The following ALK variants were observed in gnomAD, a reference collection of about 807,000 sequenced individuals.
ALK encodes ALK tyrosine kinase receptor.
In ALK, 74 loss-of-function variants were observed where a neutral mutation model predicts 163.1. That is an observed-to-expected ratio of 0.45 (90% CI 0.38 to 0.55). The LOEUF (loss-of-function observed/expected upper bound fraction) is 0.55. ALK is among the 20% of genes least tolerant of loss of function. The pLI is 0.00. For synonymous variants in ALK, 960 were observed against 843.2 expected, an observed-to-expected ratio of 1.14 and a Z score of -2.40; for missense variants, 2,063 against 2,105.3, an observed-to-expected ratio of 0.98 and a Z score of 0.39.
At chr2:29,806,056 T>G (rs1664604899) in intron 1 of ALK, among the ~76,000 whole-genome samples, 1 of 152,166 alleles carries the variant, frequency 6.6e-6, no homozygotes, top group Non-Finnish European at 1.5e-5. Flanking sequence ...CTTCAGTAGG[T>G]AAGTAATTTC....
intron 5 of ALK, among the ~76,000 whole-genome samples, chr2:29,371,206 A>G (rs1439524773): frequency 6.6e-6 from 1 of 152,260 alleles, no homozygotes; most frequent in East Asian, 1.9e-4. Flanking sequence ...CTCAACCAGA[A>G]GGGCAAAATA....
chr2:29,828,398 G>T (rs1473339709), intron 1 of ALK, among the ~76,000 whole-genome samples: 2 of 151,924 alleles, frequency 1.3e-5, no homozygotes, highest in African/African-American at 4.8e-5. Flanking sequence ...GAATGGGAGA[G>T]AATTTTTGCA....
intron 1 of ALK, among the ~76,000 whole-genome samples, chr2:29,903,844 G>A (rs182447208): frequency 9.9e-5 from 15 of 151,954 alleles, no homozygotes; most frequent in East Asian, 1.9e-4. Flanking sequence ...AAATTCTAAC[G>A]GACCCTGCAA....
At chr2:29,500,006 C>T (rs550356752) in intron 4 of ALK, among the ~76,000 whole-genome samples, 24 of 152,252 alleles carry the variant, frequency 1.6e-4, no homozygotes, top group East Asian at 1.2e-3. Context: ...ACTTGGGTCT[C>T]GCTGTTCCTT....
At chr2:29,365,867 T>A (rs1190407267) in intron 5 of ALK, among the ~76,000 whole-genome samples, 1 of 152,178 alleles carries the variant, frequency 6.6e-6, no homozygotes, top group African/African-American at 2.4e-5. Flanking sequence ...AGTCTGGGGA[T>A]GTGGCACTAC....
chr2:29,770,944 C>T (rs768064507), intron 1 of ALK, among the ~76,000 whole-genome samples: 1 of 151,902 alleles, frequency 6.6e-6, no homozygotes, highest in Non-Finnish European at 1.5e-5. Flanking sequence ...CACATAGACA[C>T]ACAGAAACAC....
intron 5 of ALK, 72 bp downstream of exon 5, chr2:29,383,660 C>T: frequency 1.2e-6 from 2 of 1,604,234 alleles, no homozygotes; most frequent in Non-Finnish European, 1.7e-6. Context: ...CCCAGCCAAA[C>T]ATGGTTGCAG....
At position 29,275,120 on chromosome 2, in the gene ALK, T is replaced by C; in HGVS notation, c.2020A>G (p.Thr674Ala). The change falls in exon 11 of 29, where the codon ACC (threonine) becomes GCC (alanine). Residue 674 changes from threonine (T) to alanine (A), a missense_variant. Thr to Ala is a moderately conservative substitution (Grantham distance 58). Coordinates refer to ENST00000389048, the MANE Select transcript of ALK (RefSeq NM_004304.5). ...LKPGENSPRQTPIFDPTVHWL... is the reference protein window; with the variant it reads ...LKPGENSPRQAPIFDPTVHWL... ...TTACCTGTAGGGTCAAAGATGGGGGTCTGTCTTGGTGAATTTTCCCCGGGT... is the reference window on the plus strand; with the variant it reads ...TTACCTGTAGGGTCAAAGATGGGGGCCTGTCTTGGTGAATTTTCCCCGGGT... The C allele has an allele frequency of 6.2e-7, 1 of 1,613,994 alleles. No individual in the cohort carries two copies. The highest frequency in any genetic ancestry group is 8.5e-7 in the Non-Finnish European group (1 of 1,180,010).
At chr2:29,820,235 G>A (rs934244582) in intron 1 of ALK, among the ~76,000 whole-genome samples, 19 of 152,302 alleles carry the variant, frequency 1.2e-4, no homozygotes, top group African/African-American at 3.6e-4. Context: ...CAGCTGCCAC[G>A]CCATGAGCTC....
At chr2:29,796,979 TACAC>T (rs1664329205) in intron 1 of ALK, among the ~76,000 whole-genome samples, 2 of 147,944 alleles carry the variant, frequency 1.4e-5, no homozygotes, top group South Asian at 4.3e-4. Flanking sequence ...CATACATACA[TACAC>T]ATATATGCAC....
intron 3 of ALK, among the ~76,000 whole-genome samples, chr2:29,649,577 A>T (rs1445690224): frequency 6.6e-6 from 1 of 152,174 alleles, no homozygotes; most frequent in African/African-American, 2.4e-5. Context: ...GGGGCATGCC[A>T]GTCTCCTTGA....
intron 1 of ALK, among the ~76,000 whole-genome samples, chr2:29,829,509 GCCCAAGACTATTA>G (rs1235052783): frequency 1.3e-5 from 2 of 152,068 alleles, no homozygotes; most frequent in Non-Finnish European, 2.9e-5. Context: ...ACTGCATGTT[GCCCAAGACTATTA>G]CCAAGCAAGT....
chr2:29,620,752 A>G (rs2148228935), intron 3 of ALK, among the ~76,000 whole-genome samples: 1 of 152,250 alleles, frequency 6.6e-6, no homozygotes, highest in East Asian at 1.9e-4. Context: ...AGTATTTAAA[A>G]CTTCTTACAT....
chr2:29,365,570 G>T (rs1234622524), intron 5 of ALK, among the ~76,000 whole-genome samples: 1 of 152,186 alleles, frequency 6.6e-6, no homozygotes, highest in Non-Finnish European at 1.5e-5. Context: ...AAATGAATCA[G>T]AACACACTCT....
intron 3 of ALK, among the ~76,000 whole-genome samples, chr2:29,604,175 T>C (rs1006449754): frequency 1.3e-5 from 2 of 151,790 alleles, no homozygotes; most frequent in African/African-American, 4.8e-5. Flanking sequence ...TTTTTTTTTT[T>C]TTTTTTACAG....
At chr2:29,504,468 C>T (rs1672262470) in intron 4 of ALK, among the ~76,000 whole-genome samples, 1 of 152,122 alleles carries the variant, frequency 6.6e-6, no homozygotes, top group African/African-American at 2.4e-5. Flanking sequence ...AAAGGCCAGT[C>T]AGGAGGTACT....
intron 1 of ALK, among the ~76,000 whole-genome samples, chr2:29,734,821 T>A (rs1679847346): frequency 6.6e-6 from 1 of 152,034 alleles, no homozygotes; most frequent in Admixed American, 6.5e-5. Context: ...TTAAATAAAT[T>A]TAATAGATAT....
intron 1 of ALK, among the ~76,000 whole-genome samples, chr2:29,832,886 A>T (rs1665457078): frequency 6.6e-6 from 1 of 152,230 alleles, no homozygotes; most frequent in African/African-American, 2.4e-5. Context: ...GGTAGTTGGG[A>T]AATCAGGAGA....
chr2:29,830,108 G>A (rs1365393744), intron 1 of ALK, among the ~76,000 whole-genome samples: 1 of 152,200 alleles, frequency 6.6e-6, no homozygotes, highest in Admixed American at 6.5e-5. Flanking sequence ...CAGAGTGTTT[G>A]TGTAGTGGAT....
Sources: gnomAD v4.1 joint callset for allele counts (sites outside exome capture counted in the v4.1 genomes callset) on GRCh38, gnomAD v4.1.1 for gene constraint, MANE v1.5 for transcripts, NCBI Gene and HGNC (gene_info 2026-07-23, HGNC 2026-07-21) for gene names.